Variants in ATXN2 observed in about 807,000 individuals in gnomAD.
ATXN2 encodes the protein ataxin-2.
In ATXN2, 37 loss-of-function variants were observed where a neutral mutation model predicts 138.6. The ratio of observed to expected loss-of-function variants is 0.27; its 90% CI spans 0.21 to 0.35. The LOEUF is 0.35. ATXN2 is among the 10% of genes least tolerant of loss of function. The pLI, the probability that ATXN2 is intolerant of heterozygous loss-of-function variation, is 1.00. For synonymous variants in ATXN2, 549 were observed against 543.7 expected (o/e 1.01, Z -0.13); for missense variants, 1,216 against 1,480.3 (o/e 0.82, Z 2.93).
At chr12:111,593,080 T>TTTTG (rs899049023) in intron 1 of ATXN2, among the ~76,000 whole-genome samples, 20 of 151,686 alleles carry the variant, frequency 1.3e-4, no homozygotes, top group East Asian at 7.8e-4. Context: ...ATCCTCCTTT[T>TTTTG]TTTGTTTGTT....
rs1238775949 is a variant in ATXN2, at chr12:111,510,394, A to T, written c.1747T>A (p.Ser583Thr). The T allele has an allele frequency of 4.3e-6, 7 of 1,613,858 alleles. No individual in the cohort carries two copies. Among genetic ancestry groups the T allele is most frequent in the African/African-American group, 1.3e-5 (1 of 74,900 alleles). The change falls in exon 12 of 25, where the codon TCT (serine) becomes ACT (threonine). Residue 583 changes from serine to threonine, a missense_variant. Physicochemically the swap from Ser to Thr is moderately conservative, Grantham distance 58. Transcript: ENST00000673436. ...SPASNRAVTP[S>T]SEAKDSRLQD... ...GCCCTTTGTTACATACCCTCACTAG[A>T]AGGGGTAACAGCTCTGTTCGATGCA... is the stretch of plus-strand genomic sequence containing the variant.
chr12:111,533,044 AGTGTAAAGTTTATAGCT>A (rs1418744654), intron 5 of ATXN2, among the ~76,000 whole-genome samples: 1 of 152,160 alleles, frequency 6.6e-6, no homozygotes, highest in Admixed American at 6.5e-5. Flanking sequence ...AGAGAATAGA[AGTGTAAAGTTTATAGCT>A]GTGGTCAGAG....
At chr12:111,594,131 A>G (rs946508488) in intron 1 of ATXN2, among the ~76,000 whole-genome samples, 1 of 152,180 alleles carries the variant, frequency 6.6e-6, no homozygotes, top group African/African-American at 2.4e-5. Context: ...TTGTCTGCCT[A>G]GTCACATTAG....
intron 22 of ATXN2, among the ~76,000 whole-genome samples, chr12:111,456,844 T>C (rs1875140461): frequency 1.3e-5 from 2 of 151,926 alleles, no homozygotes; most frequent in African/African-American, 2.4e-5. Context: ...GCCTCCCGGG[T>C]TCACGCCATT....
intron 1 of ATXN2, among the ~76,000 whole-genome samples, chr12:111,576,345 G>C (rs1883646651): frequency 6.6e-6 from 1 of 152,004 alleles, no homozygotes; most frequent in Non-Finnish European, 1.5e-5. Flanking sequence ...TTGGGAGGCT[G>C]AATCACCTGA....
chr12:111,585,860 T>C (rs1884298685), intron 1 of ATXN2, among the ~76,000 whole-genome samples: 1 of 148,790 alleles, frequency 6.7e-6, no homozygotes, highest in South Asian at 2.2e-4. Flanking sequence ...TGTTGAGCTC[T>C]TGTGTCTGTT....
intron 1 of ATXN2, among the ~76,000 whole-genome samples, chr12:111,593,159 T>C (rs1230130277): frequency 6.6e-6 from 1 of 152,032 alleles, no homozygotes; most frequent in Non-Finnish European, 1.5e-5. Flanking sequence ...CTCAGCTCAC[T>C]GCAACCTCCG....
At chr12:111,554,135 T>A in intron 3 of ATXN2, 23 bp downstream of exon 3, 1 of 1,429,182 alleles carries the variant, frequency 7.0e-7, no homozygotes, top group Non-Finnish European at 9.5e-7. Flanking sequence ...AGGCAGTTTA[T>A]CCCCAATAAT....
chr12:111,479,309 T>C (rs1216660887), intron 18 of ATXN2, among the ~76,000 whole-genome samples: 2 of 149,514 alleles, frequency 1.3e-5, no homozygotes, highest in South Asian at 2.1e-4. Context: ...TCCCAGCACT[T>C]TGGGAGGCCA....
chr12:111,595,038 C>T (rs1035749156), intron 1 of ATXN2, among the ~76,000 whole-genome samples: 1 of 152,146 alleles, frequency 6.6e-6, no homozygotes, highest in Non-Finnish European at 1.5e-5. Flanking sequence ...ATAATATATG[C>T]ACTTGACAGT....
In ATXN2 at chr12:111,598,555, G is replaced by T. The variant is rs559131486; in HGVS notation, c.251+229C>A. 9 of 984,762 alleles carry T rather than the reference G, an allele frequency of 9.1e-6. No homozygotes were observed. In the East Asian group the frequency reaches 3.4e-4, roughly 37 times the overall value. 61.0% of individuals were successfully genotyped at this position (984,762 alleles called of 1,614,324 possible). A position where few individuals can be genotyped will look rare whatever the true frequency, so the allele number is the denominator to read the frequency against. On this transcript the variant is annotated intron_variant, in intron 1 of 24. Transcript: ENST00000673436. The surrounding 1 kb of genome is among the most constrained non-coding windows in gnomAD (Gnocchi z 4.5). ...TCCCTCCATCTTGACCGCCGGGGGA[G>T]GGGGCGGGGATGCTGCGGGAGGCTG...
rs1876308208 is a variant in ATXN2, at chr12:111,470,132, G to A, written c.2818C>T (p.His940Tyr). The A allele has an allele frequency of 1.9e-6, 3 of 1,614,062 alleles. No homozygotes were observed. Among genetic ancestry groups the A allele is most frequent in the Non-Finnish European group, 2.5e-6 (3 of 1,179,966 alleles). ...VSSSATQYGAHEQTHAMYACP... is the reference protein window; with the variant it reads ...VSSSATQYGAYEQTHAMYACP... ...CCATACATCGCATGCGTCTGCTCAT[G>A]AGCCCCGTACTGAGTTGCTGAAGAA... The change falls in exon 20 of 25, where the codon CAT (histidine) becomes TAT (tyrosine). Residue 940 changes from histidine (H) to tyrosine (Y), a missense_variant. By Grantham distance (83) the His-to-Tyr change is moderately conservative (BLOSUM62 2). Around this residue, in one of 4 missense-constraint regions of ATXN2, gnomAD observed 490 missense variants for 653.5 expected, o/e 0.75. Transcript: ENST00000673436.
chr12:111,565,045 G>T lies in ATXN2; in HGVS notation c.252-9126C>A, dbSNP rs375969609. 2.2e-4 allele frequency among the ~76,000 whole-genome samples: 33 copies of T among 152,102 alleles called. No homozygotes were observed. In the South Asian group the frequency reaches 2.9e-3, roughly 13 times the overall value. On this transcript the variant is annotated intron_variant, in intron 1 of 24. Coordinates refer to ENST00000673436, the MANE Select transcript of ATXN2 (RefSeq NM_001372574.1). ...GCCTCCAGTACTTCTAAAATAAACTGCTGGATAGCATTAAATTATTTTCAT... is the reference window on the plus strand; with the variant it reads ...GCCTCCAGTACTTCTAAAATAAACTTCTGGATAGCATTAAATTATTTTCAT...
At chr12:111,580,342 T>C (rs890959590) in intron 1 of ATXN2, among the ~76,000 whole-genome samples, 3 of 151,112 alleles carry the variant, frequency 2.0e-5, no homozygotes, top group Admixed American at 1.3e-4. Context: ...GAAAAGTAAT[T>C]AGCCGGACAT....
intron 1 of ATXN2, among the ~76,000 whole-genome samples, chr12:111,559,727 C>A (rs1374807696): frequency 6.8e-6 from 1 of 147,174 alleles, no homozygotes. Flanking sequence ...GAGCCGAGAT[C>A]GTGCCACTGC....
At chr12:111,540,924 T>C (rs946458309) in intron 5 of ATXN2, among the ~76,000 whole-genome samples, 4 of 150,232 alleles carry the variant, frequency 2.7e-5, no homozygotes, top group Non-Finnish European at 4.5e-5. Context: ...CTCAAACTCC[T>C]GACCTCAAGT....
At chr12:111,470,071 C>G in intron 20 of ATXN2, 37 bp downstream of exon 20, 1 of 1,592,606 alleles carries the variant, frequency 6.3e-7, no homozygotes, top group Non-Finnish European at 8.6e-7. Flanking sequence ...TAAGAAGAGT[C>G]ACACACACTG....
intron 1 of ATXN2, among the ~76,000 whole-genome samples, chr12:111,588,991 C>CAAAAAAAAAAAAAAAAAAAAAA (rs58116265): frequency 2.6e-5 from 1 of 38,708 alleles, no homozygotes; most frequent in African/African-American, 6.3e-5. Context: ...CGAGATTTCT[C>CAAAAAAAAAAAAAAAAAAAAAA]AAAAAAAAAA....
At chr12:111,553,604 A>AAAATTTTTTT (rs1882237738) in intron 3 of ATXN2, among the ~76,000 whole-genome samples, 13 of 85,008 alleles carry the variant, frequency 1.5e-4, no homozygotes, top group African/African-American at 9.8e-4. Context: ...AAAAAAAAAA[A>AAAATTTTTTT]TTTTTTTTTT....
Sources: allele counts gnomAD v4.1 joint callset (sites outside exome capture counted in the v4.1 genomes callset), GRCh38; gene constraint gnomAD v4.1.1; regional missense constraint gnomAD v4.1.1; non-coding constraint Gnocchi (gnomAD v3.1); transcripts MANE v1.5; gene names NCBI Gene and HGNC (gene_info 2026-07-23, HGNC 2026-07-21).